Variants in HPSE2 observed in about 807,000 individuals in gnomAD.
HPSE2 encodes heparanase 2 (inactive), also known as inactive heparanase-2.
HPSE2 carries 38 observed loss-of-function variants against 60.5 expected under a neutral mutation model. That is an observed-to-expected ratio of 0.63 (90% CI 0.48 to 0.82). HPSE2 has a LOEUF of 0.82. Ranked by LOEUF, HPSE2 falls within the 40% of genes least tolerant of loss-of-function variation. The pLI is 0.00. For synonymous variants in HPSE2, 295 were observed against 293.2 expected, an observed-to-expected ratio of 1.01 and a Z score of -0.06; for missense variants, 713 against 740.4, an observed-to-expected ratio of 0.96 and a Z score of 0.43.
rs541220607 is a variant in HPSE2, at chr10:99,031,360, C to G, written c.610+112878G>C. Among the ~76,000 whole-genome samples, 5 of 152,234 alleles carry G rather than the reference C, an allele frequency of 3.3e-5. No homozygotes were observed. The South Asian group carries it at 8.3e-4, about 25-fold the overall frequency. On this transcript the variant is annotated intron_variant, in intron 3 of 11. Coordinates refer to ENST00000370552, the MANE Select transcript of HPSE2 (RefSeq NM_021828.5). ...TGTCCATAGTCTTAGTTTTTCTACT[C>G]TAATATTAATCTCATATAACCCTAT...
chr10:98,719,408 C>G (rs990800361), intron 5 of HPSE2, among the ~76,000 whole-genome samples: 12 of 152,056 alleles, frequency 7.9e-5, no homozygotes, highest in African/African-American at 2.9e-4. Flanking sequence ...CTAAGAAACC[C>G]TGCCTCAACA....
chr10:98,751,864 G>A (rs1210040560), intron 3 of HPSE2, among the ~76,000 whole-genome samples: 6 of 152,204 alleles, frequency 3.9e-5, no homozygotes, highest in African/African-American at 1.4e-4. Flanking sequence ...TTAATGAGTT[G>A]TGATAGAACT....
chr10:99,036,128 C>T (rs974510885), intron 3 of HPSE2, among the ~76,000 whole-genome samples: 1 of 152,038 alleles, frequency 6.6e-6, no homozygotes, highest in Admixed American at 6.6e-5. Context: ...GGTGGAAGAA[C>T]TGCTTGGGCC....
rs1170660415 is a variant in HPSE2 at position 99,220,807 on chromosome 10, C to G, written c.448+11541G>C. Among the ~76,000 whole-genome samples the G allele has an allele frequency of 7.1e-5, 4 of 56,488 alleles. No individual in the cohort carries two copies. In the South Asian group the frequency reaches 2.4e-3, roughly 34 times the overall value. 37.1% of individuals were successfully genotyped at this position (56,488 alleles called of 152,430 possible). On this transcript the variant is annotated intron_variant, in intron 2 of 11. Coordinates refer to ENST00000370552, the MANE Select transcript of HPSE2 (RefSeq NM_021828.5). ...CTGGCAACAGAGTGAGACTCCGTCT[C>G]AAAAAAAAAAAAAAAAGTGGGAATG...
chr10:98,890,071 T>A (rs533541751), intron 3 of HPSE2, among the ~76,000 whole-genome samples: 1 of 152,326 alleles, frequency 6.6e-6, no homozygotes, highest in South Asian at 2.1e-4. Flanking sequence ...TTTAACATAG[T>A]TATCTTATAT....
chr10:99,286,418 G>A, the HPSE2 span, among the ~76,000 whole-genome samples: 4,188 of 152,122 alleles, frequency 0.028, 191 homozygotes, highest in African/African-American at 0.095. Flanking sequence ...AACACACTAA[G>A]CAAAACAAGC....
chr10:98,616,434 A>C (rs1945910558), intron 8 of HPSE2, among the ~76,000 whole-genome samples: 1 of 152,184 alleles, frequency 6.6e-6, no homozygotes, highest in Non-Finnish European at 1.5e-5. Context: ...ATCACCATTC[A>C]GCACACTGGG....
chr10:99,202,236 T>C (rs1175295276), intron 2 of HPSE2, among the ~76,000 whole-genome samples: 1 of 152,198 alleles, frequency 6.6e-6, no homozygotes, highest in Non-Finnish European at 1.5e-5. Context: ...GGAACAGAGA[T>C]GATGAAATGC....
chr10:98,547,798 A>C (rs902286177), intron 9 of HPSE2, among the ~76,000 whole-genome samples: 5 of 151,942 alleles, frequency 3.3e-5, no homozygotes, highest in African/African-American at 1.2e-4. Flanking sequence ...TAAAACTTAA[A>C]GTATAATAAT....
intron 9 of HPSE2, among the ~76,000 whole-genome samples, chr10:98,564,914 T>C (rs1279683542): frequency 2.0e-5 from 3 of 152,144 alleles, no homozygotes; most frequent in African/African-American, 7.2e-5. Flanking sequence ...CAAACCAGGA[T>C]GGGACAAAAT....
At chr10:98,726,195 T>C (rs1481030685) in intron 4 of HPSE2, among the ~76,000 whole-genome samples, 1 of 152,164 alleles carries the variant, frequency 6.6e-6, no homozygotes, top group East Asian at 1.9e-4. Flanking sequence ...CGTATGTTTA[T>C]TGTGGCACTA....
chr10:98,989,378 C>T (rs945478132), intron 3 of HPSE2, among the ~76,000 whole-genome samples: 4 of 151,882 alleles, frequency 2.6e-5, no homozygotes, highest in Non-Finnish European at 5.9e-5. Flanking sequence ...CCATCATTCT[C>T]AGCAAACTAT....
intron 6 of HPSE2, among the ~76,000 whole-genome samples, chr10:98,680,220 G>C (rs1451975835): frequency 6.6e-6 from 1 of 152,132 alleles, no homozygotes; most frequent in Non-Finnish European, 1.5e-5. Flanking sequence ...GAAATATTTA[G>C]TTGCAAACAT....
intron 3 of HPSE2, among the ~76,000 whole-genome samples, chr10:98,934,180 G>A (rs1159383618): frequency 6.9e-6 from 1 of 144,300 alleles, no homozygotes; most frequent in African/African-American, 2.8e-5. Flanking sequence ...TTGCACATGA[G>A]ATGTGTCTCT....
chr10:98,919,103 G>A (rs1385155119), intron 3 of HPSE2, among the ~76,000 whole-genome samples: 1 of 152,072 alleles, frequency 6.6e-6, no homozygotes, highest in African/African-American at 2.4e-5. Flanking sequence ...TAATATAAAA[G>A]ATAAAGTGAT....
At chr10:99,092,944 T>C (rs1428569692) in intron 3 of HPSE2, among the ~76,000 whole-genome samples, 1 of 152,194 alleles carries the variant, frequency 6.6e-6, no homozygotes, top group Non-Finnish European at 1.5e-5. Flanking sequence ...TTATAAAGTA[T>C]TGCTGGCTGG....
At chr10:98,587,210 T>C (rs867186721) in intron 9 of HPSE2, among the ~76,000 whole-genome samples, 9 of 152,352 alleles carry the variant, frequency 5.9e-5, no homozygotes, top group Non-Finnish European at 7.3e-5. Context: ...TTCATTTGAA[T>C]GACTTGTTTA....
intron 3 of HPSE2, among the ~76,000 whole-genome samples, chr10:98,804,651 T>G (rs837745): frequency 0.86 from 130,011 of 152,052 alleles, 55,910 homozygotes; most frequent in African/African-American, 0.93. Context: ...AGAGGATGTA[T>G]ACGGTACGGA....
the HPSE2 span, among the ~76,000 whole-genome samples, chr10:99,241,384 T>TATC: frequency 2.6e-5 from 4 of 152,340 alleles, no homozygotes; most frequent in South Asian, 8.3e-4. Flanking sequence ...TCAGCTGCCT[T>TATC]ATCTGTCAAA....
Sources: allele counts gnomAD v4.1 joint callset (sites outside exome capture counted in the v4.1 genomes callset), GRCh38; gene constraint gnomAD v4.1.1; transcripts MANE v1.5; gene names NCBI Gene and HGNC (gene_info 2026-07-23, HGNC 2026-07-21).